MINDY4: variants seen among roughly 807,000 people sequenced by gnomAD.
MINDY4 encodes MINDY lysine 48 deubiquitinase 4.
MINDY4 carries 68 observed loss-of-function variants against 87.0 expected under a neutral mutation model. That is an observed-to-expected ratio of 0.78 (90% CI 0.64 to 0.96). The LOEUF (loss-of-function observed/expected upper bound fraction) is 0.96. Among genes scored for constraint, MINDY4 ranks in the 40% least tolerant of loss-of-function variants. The probability of loss-of-function intolerance (pLI) is 0.00; values close to 1 mark genes in which losing one functional copy is unlikely to be tolerated. For synonymous variants in MINDY4, 379 were observed against 363.2 expected, an observed-to-expected ratio of 1.04 and a Z score of -0.50; for missense variants, 919 against 928.2, an observed-to-expected ratio of 0.99 and a Z score of 0.13.
chr7:30,859,550 A>G (rs1789686934), intron 13 of MINDY4, among the ~76,000 whole-genome samples: 2 of 152,310 alleles, frequency 1.3e-5, no homozygotes, highest in South Asian at 4.1e-4. Flanking sequence ...GTGGTGGACA[A>G]CCTGAAAGAC....
intron 5 of MINDY4, among the ~76,000 whole-genome samples, chr7:30,820,579 G>A (rs372984502): frequency 4.6e-5 from 7 of 152,156 alleles, no homozygotes; most frequent in East Asian, 3.9e-4. Flanking sequence ...TCACATAAGC[G>A]GAATCATATA....
intron 9 of MINDY4, among the ~76,000 whole-genome samples, chr7:30,841,183 C>T (rs996855996): frequency 7.2e-5 from 11 of 152,216 alleles, no homozygotes; most frequent in African/African-American, 2.4e-4. Context: ...CTTTCGACTG[C>T]GTCCGGGCCT....
At position 30,857,283 on chromosome 7, in the gene MINDY4, CCCTT is replaced by C. The variant is rs1789603742; in HGVS notation, c.1678-1969_1678-1966del. Among the ~76,000 whole-genome samples the C allele has an allele frequency of 3.3e-5, 5 of 152,260 alleles. No individual in the cohort carries two copies. In the South Asian group the frequency reaches 1.0e-3, roughly 32 times the overall value. Reference sequence around the variant, plus strand: ...GTTCAGACATCGCTTTCTCCAAAAACCCTTCCTTGATACTCCCTCCCCGAACTTG... The same window carrying C: ...GTTCAGACATCGCTTTCTCCAAAAACCCTTGATACTCCCTCCCCGAACTTG... On this transcript the variant is annotated intron_variant, in intron 12 of 17. Transcript: ENST00000265299.
chr7:30,826,281 C>T (rs1344532603), intron 5 of MINDY4, among the ~76,000 whole-genome samples: 1 of 152,146 alleles, frequency 6.6e-6, no homozygotes, highest in Non-Finnish European at 1.5e-5. Context: ...TTGCATTTAG[C>T]GTCTGTTCAT....
intron 5 of MINDY4, among the ~76,000 whole-genome samples, chr7:30,802,617 T>C (rs546146386): frequency 2.2e-4 from 33 of 152,208 alleles, no homozygotes; most frequent in Non-Finnish European, 4.6e-4. Context: ...GGGAAAGTTA[T>C]GCTAATCTGT....
intron 12 of MINDY4, among the ~76,000 whole-genome samples, chr7:30,853,883 G>T (rs1311589547): frequency 2.6e-5 from 4 of 152,216 alleles, no homozygotes; most frequent in Non-Finnish European, 5.9e-5. Context: ...CCAGAAAGCG[G>T]CTTCTTGGGT....
At chr7:30,872,804 C>G (rs139717696) in intron 14 of MINDY4, among the ~76,000 whole-genome samples, 3,160 of 152,346 alleles carry the variant, frequency 0.021, 56 homozygotes, top group Middle Eastern at 0.044. Flanking sequence ...AGTTGCTTGT[C>G]ATCAGTCCTC....
At chr7:30,841,531 T>C (rs75138450) in intron 9 of MINDY4, among the ~76,000 whole-genome samples, 8,375 of 152,170 alleles carry the variant, frequency 0.055, 391 homozygotes, top group African/African-American at 0.11. Context: ...GGCGAGGCCT[T>C]CTTGAGGAAG....
At chr7:30,781,383 G>T (rs1021704123) in intron 2 of MINDY4, 1 of 152,316 alleles carries the variant, frequency 6.6e-6, no homozygotes, top group Non-Finnish European at 1.5e-5. Context: ...GGAAAATACT[G>T]GTATCGTTTA....
chr7:30,784,953 G>A (rs1056403443), intron 3 of MINDY4, among the ~76,000 whole-genome samples: 2 of 152,198 alleles, frequency 1.3e-5, no homozygotes, highest in Non-Finnish European at 2.9e-5. Flanking sequence ...TGTGTCACAG[G>A]AGTGCTGGCT....
At chr7:30,783,293 A>G (rs1787058411) in intron 3 of MINDY4, among the ~76,000 whole-genome samples, 1 of 152,092 alleles carries the variant, frequency 6.6e-6, no homozygotes, top group South Asian at 2.1e-4. Context: ...TCCTAACTTT[A>G]CTACCTTTGA....
At chr7:30,795,754 T>G (rs1787468480) in intron 5 of MINDY4, among the ~76,000 whole-genome samples, 1 of 152,196 alleles carries the variant, frequency 6.6e-6, no homozygotes, top group Non-Finnish European at 1.5e-5. Context: ...GGGGAGAATC[T>G]GTTTCTTTGC....
chr7:30,889,314 G>A (rs1048207158), intron 17 of MINDY4, among the ~76,000 whole-genome samples: 4 of 152,224 alleles, frequency 2.6e-5, no homozygotes, highest in African/African-American at 7.2e-5. Flanking sequence ...CCCAGCAGAT[G>A]TAATAGATGA....
At chr7:30,813,124 G>C (rs914962163) in intron 5 of MINDY4, among the ~76,000 whole-genome samples, 1 of 152,180 alleles carries the variant, frequency 6.6e-6, no homozygotes, top group Non-Finnish European at 1.5e-5. Flanking sequence ...TTTGGAGGGG[G>C]TACTTTCAGC....
intron 4 of MINDY4, among the ~76,000 whole-genome samples, chr7:30,789,402 A>G (rs546056756): frequency 6.6e-6 from 1 of 152,356 alleles, no homozygotes; most frequent in East Asian, 1.9e-4. Flanking sequence ...CAGATTCTCT[A>G]GAAGGGACAT....
intron 6 of MINDY4, among the ~76,000 whole-genome samples, chr7:30,831,565 A>C (rs537884056): frequency 2.6e-4 from 40 of 152,270 alleles, no homozygotes; most frequent in Middle Eastern, 3.4e-3. Context: ...ATGGTGGGTG[A>C]GAGAGGGTGG....
At chr7:30,772,577 A>G (rs368782018) in intron 1 of MINDY4, among the ~76,000 whole-genome samples, 43 of 152,306 alleles carry the variant, frequency 2.8e-4, no homozygotes, top group African/African-American at 9.9e-4. Flanking sequence ...TAGGTGTTCA[A>G]CTTTATACCT....
rs1055445414 is a variant in MINDY4 at position 30,872,011 on chromosome 7, C to T, written c.1746-232C>T. On this transcript the variant is annotated intron_variant, in intron 13 of 17. Coordinates refer to ENST00000265299, the MANE Select transcript of MINDY4 (RefSeq NM_032222.3). ...AGCCCTGGTGCGGCTGGAGTGGAGGCCATTGCCCAGAGAATGCAGTGAGCT... is the reference window on the plus strand; with the variant it reads ...AGCCCTGGTGCGGCTGGAGTGGAGGTCATTGCCCAGAGAATGCAGTGAGCT... Among the ~76,000 whole-genome samples the T allele has an allele frequency of 2.0e-5, 3 of 152,072 alleles. No individual in the cohort carries two copies. The South Asian group carries it at 6.2e-4, about 32-fold the overall frequency.
chr7:30,881,160 A>G (rs1455657129), intron 15 of MINDY4, among the ~76,000 whole-genome samples: 2 of 152,146 alleles, frequency 1.3e-5, no homozygotes, highest in African/African-American at 4.8e-5. Context: ...TGGATAAACC[A>G]GGGCCCAGGG....
Sources: gnomAD v4.1 joint callset for allele counts (sites outside exome capture counted in the v4.1 genomes callset) on GRCh38, gnomAD v4.1.1 for gene constraint, MANE v1.5 for transcripts, NCBI Gene and HGNC (gene_info 2026-07-23, HGNC 2026-07-21) for gene names.